NOC4L: variants seen among roughly 807,000 people sequenced by gnomAD.
NOC4L encodes the protein nucleolar complex protein 4 homolog.
In NOC4L, 40 loss-of-function variants were observed where a neutral mutation model predicts 62.8. The observed-to-expected ratio is 0.64, with a 90% CI of 0.49 to 0.83. The LOEUF (loss-of-function observed/expected upper bound fraction) is 0.83. Among genes scored for constraint, NOC4L ranks in the 40% least tolerant of loss-of-function variants. NOC4L has a pLI of 0.00. For synonymous variants in NOC4L, 433 were observed against 299.8 expected (o/e 1.44, Z -4.59); for missense variants, 927 against 701.9 (o/e 1.32, Z -3.62).
chr12:132,145,091 A>G (rs1593425589), intron 2 of NOC4L, 117 bp downstream of exon 2: 2 of 1,374,056 alleles, frequency 1.5e-6, no homozygotes, highest in Non-Finnish European at 1.9e-6. Context: ...TGGTGGGAGG[A>G]CGCACCAAGC....
intron 9 of NOC4L, 76 bp from the exon 10 acceptor site, chr12:132,150,905 C>G: frequency 1.8e-6 from 2 of 1,115,652 alleles, no homozygotes; most frequent in Non-Finnish European, 1.3e-6. Context: ...ACTCCACAGA[C>G]TTACACTCAG....
chr12:132,147,162 C>A, intron 3 of NOC4L, 119 bp from the exon 4 acceptor site: 1 of 677,770 alleles, frequency 1.5e-6, no homozygotes, highest in Non-Finnish European at 2.3e-6. Flanking sequence ...CAAGAGAAGG[C>A]CCGGCCGCCC....
At chr12:132,146,409 C>T (rs561024559) in intron 3 of NOC4L, 14 of 448,090 alleles carry the variant, frequency 3.1e-5, no homozygotes, top group East Asian at 7.1e-5. Context: ...TTGGCTGTTA[C>T]GAACAGCGGA....
chr12:132,145,505 C>T, intron 2 of NOC4L, 54 bp from the exon 3 acceptor site: 1 of 1,239,686 alleles, frequency 8.1e-7, no homozygotes, highest in Non-Finnish European at 1.2e-6. Context: ...TGGGCTGGGC[C>T]CAGGGTGGCG....
In NOC4L at chr12:132,152,427, C is replaced by T. The variant is rs771526757; in HGVS notation, c.*26C>T. The stretch of plus-strand genomic sequence containing the variant: ...CCCTGGCCCACCTGTGAATAAATCT[C>T]AGCTGACCCCAGCCCACCTGTGAAT... On this transcript the variant is annotated 3_prime_UTR_variant, in exon 15 of 15. Coordinates refer to ENST00000330579, the MANE Select transcript of NOC4L (RefSeq NM_024078.3). The T allele has an allele frequency of 2.0e-5, 31 of 1,555,992 alleles. 1 individual carries two copies. Among genetic ancestry groups the T allele is most frequent in the South Asian group, 4.7e-5 (4 of 85,380 alleles).
chr12:132,147,342 A>G lies in NOC4L; in HGVS notation c.407A>G (p.Lys136Arg). ...CTGGAAGGAGCGCACCCCCTGGAGA[A>G]GTCCAAGTGGGAAGGCAACTACCTG... The part of the protein sequence containing the change: ...VQLEGAHPLE[K>R]SKWEGNYLFP... Residue 136 changes from lysine to arginine, a missense_variant, in exon 4 of 15, where the codon AAG becomes AGG. Transcript: ENST00000330579. 4 of 1,597,414 alleles carry G rather than the reference A, an allele frequency of 2.5e-6. No homozygotes were observed. The highest frequency in any genetic ancestry group is 3.4e-6 in the Non-Finnish European group (4 of 1,171,846).
rs199921500 is a variant in NOC4L, at chr12:132,148,848, C to T, written c.854C>T (p.Ala285Val). Residue 285 changes from alanine (A) to valine (V), a missense_variant, in exon 9 of 15, where the codon GCG (alanine) becomes GTG (valine). Coordinates refer to ENST00000330579, the MANE Select transcript of NOC4L (RefSeq NM_024078.3). ...CATGACGCCATCCTGCCGCAGCTGGCGCAGCCCACGCTCATGATCGACTTC... is the reference window on the plus strand; with the variant it reads ...CATGACGCCATCCTGCCGCAGCTGGTGCAGCCCACGCTCATGATCGACTTC... ...IVHDAILPQL[A>V]QPTLMIDFLT... 4.4e-5 allele frequency: 71 copies of T among 1,602,108 alleles called. 1 individual carries two copies. In the Middle Eastern group the frequency reaches 8.3e-4, roughly 19 times the overall value.
At chr12:132,149,192 CT>C (rs1174507862) in intron 9 of NOC4L, among the ~76,000 whole-genome samples, 1 of 48,788 alleles carries the variant, frequency 2.0e-5, no homozygotes, top group African/African-American at 9.3e-5. Context: ...CACCACACCC[CT>C]AATCCCCTCG....
Position 132,150,991 on chromosome 12 carries a change from C to A in NOC4L, c.912C>A (p.Leu304=), listed in dbSNP as rs1175773526. 7 of 1,609,780 alleles carry A rather than the reference C, an allele frequency of 4.3e-6. No individual in the cohort carries two copies. Among genetic ancestry groups the A allele is most frequent in the Non-Finnish European group, 4.2e-6 (5 of 1,178,400 alleles). The part of the protein sequence containing the change: ...LTRACDLGGA[L]SLLALNGLFI... ...TCTGTCTGTCTGCAGGGGGGGCCCT[C>A]AGCCTCTTGGCCTTGAACGGGCTGT... is the stretch of plus-strand genomic sequence containing the variant. Residue 304 remains leucine, a synonymous_variant, in exon 10 of 15, where the codon CTC becomes CTA. Transcript: ENST00000330579.
chr12:132,147,872 C>T lies in NOC4L; in HGVS notation c.604-8C>T. 6.2e-7 allele frequency: 1 copy of T among 1,609,580 alleles called. No homozygotes were observed. The highest frequency in any genetic ancestry group is 8.5e-7 in the Non-Finnish European group (1 of 1,179,564). On this transcript the variant is annotated splice_region_variant and splice_polypyrimidine_tract_variant and intron_variant, in intron 5 of 14. Coordinates refer to ENST00000330579, the MANE Select transcript of NOC4L (RefSeq NM_024078.3). ...GCGGCGTCCAGGCACTCAGGCCAGG[C>T]TCCGCAGGTGCCCCCCGCCTTTTGG...
chr12:132,148,377 C>A (rs559004164), intron 7 of NOC4L, among the ~76,000 whole-genome samples: 15 of 152,312 alleles, frequency 9.8e-5, no homozygotes, highest in African/African-American at 3.4e-4. Context: ...TGGGCGCAGC[C>A]CCCCTCTTGG....
At chr12:132,146,422 G>A (rs1593427084) in intron 3 of NOC4L, 1 of 444,248 alleles carries the variant, frequency 2.3e-6, no homozygotes, top group African/African-American at 2.0e-5. Context: ...ACAGCGGACT[G>A]TGAACGTTCG....
chr12:132,146,978 G>A (rs1377915366), intron 3 of NOC4L, among the ~76,000 whole-genome samples: 1 of 152,198 alleles, frequency 6.6e-6, no homozygotes, highest in East Asian at 1.9e-4. Context: ...TGGCATTCCC[G>A]TGACACAGGT....
In NOC4L at chr12:132,144,506, C is replaced by A; in HGVS notation, c.18C>A (p.Gly6=). Residue 6 remains glycine (G), a synonymous_variant, in exon 1 of 15, where the codon GGC becomes GGA. Coordinates refer to ENST00000330579, the MANE Select transcript of NOC4L (RefSeq NM_024078.3). The stretch of plus-strand genomic sequence containing the variant: ...GGGGCGGCATGGAGCGGGAGCCGGG[C>A]GCCGCGGGAGTTCGCCGGGCTCTGG... MEREP[G]AAGVRRALGR... The A allele has an allele frequency of 1.3e-6, 2 of 1,519,838 alleles. No homozygotes were observed. Among genetic ancestry groups the A allele is most frequent in the Non-Finnish European group, 1.7e-6 (2 of 1,144,568 alleles). 94.1% of individuals were successfully genotyped at this position (1,519,838 alleles called of 1,614,324 possible).
chr12:132,152,109 A>G lies in NOC4L; in HGVS notation c.1343A>G (p.Glu448Gly), dbSNP rs374348236. 1.2e-6 allele frequency: 2 copies of G among 1,610,414 alleles called. No individual in the cohort carries two copies. Among genetic ancestry groups the G allele is most frequent in the Non-Finnish European group, 1.7e-6 (2 of 1,178,886 alleles). Residue 448 changes from glutamate to glycine, a missense_variant, in exon 14 of 15, where the codon GAG (glutamate) becomes GGG (glycine). Physicochemically the swap from Glu to Gly is moderately conservative, Grantham distance 98 (BLOSUM62 -2). Coordinates refer to ENST00000330579, the MANE Select transcript of NOC4L (RefSeq NM_024078.3). ...GCCCTCCAGCGCCACTACCACCCTG[A>G]GGTGTCCAAAGCCGCCAGCGTCATC... ...LQALQRHYHP[E>G]VSKAASVINQ...
rs775023787 is a variant in NOC4L, at chr12:132,150,963, G to GTGTC, written c.902-7_902-4dup. On this transcript the variant is annotated splice_polypyrimidine_tract_variant and intron_variant, in intron 9 of 14. Coordinates refer to ENST00000330579, the MANE Select transcript of NOC4L (RefSeq NM_024078.3). ...AGCGAGGTCACTGCAGCTCCAGCCT[G>GTGTC]TGTCTGTCTGTCTGCAGGGGGGGCC... 397 of 1,595,080 alleles carry GTGTC rather than the reference G, an allele frequency of 2.5e-4. 2 individuals carry two copies. The highest frequency in any genetic ancestry group is 3.1e-4 in the Non-Finnish European group (367 of 1,169,452).
chr12:132,152,446 T>A lies in NOC4L; in HGVS notation c.*45T>A. ...AAATCTCAGCTGACCCCAGCCCACC[T>A]GTGAATAAATGTTTTTGCAGGAGAA... On this transcript the variant is annotated 3_prime_UTR_variant, in exon 15 of 15. Coordinates refer to ENST00000330579, the MANE Select transcript of NOC4L (RefSeq NM_024078.3). 1 of 1,524,770 alleles carries A rather than the reference T, an allele frequency of 6.6e-7. No individual in the cohort carries two copies. The highest frequency in any genetic ancestry group is 8.8e-7 in the Non-Finnish European group (1 of 1,130,720). 94.5% of individuals were successfully genotyped at this position (1,524,770 alleles called of 1,614,324 possible).
rs1264854541 is a variant in NOC4L at position 132,144,505 on chromosome 12, G to A, written c.17G>A (p.Gly6Asp). Residue 6 changes from glycine to aspartate, a missense_variant, in exon 1 of 15, where the codon GGC becomes GAC. Coordinates refer to ENST00000330579, the MANE Select transcript of NOC4L (RefSeq NM_024078.3). MEREPGAAGVRRALGR... is the reference protein window; with the variant it reads MEREPDAAGVRRALGR... Reference sequence around the variant, plus strand: ...GGGGGCGGCATGGAGCGGGAGCCGGGCGCCGCGGGAGTTCGCCGGGCTCTG... The same window carrying A: ...GGGGGCGGCATGGAGCGGGAGCCGGACGCCGCGGGAGTTCGCCGGGCTCTG... 2 of 1,521,200 alleles carry A rather than the reference G, an allele frequency of 1.3e-6. No individual in the cohort carries two copies. The highest frequency in any genetic ancestry group is 2.1e-5 in the Admixed American group (1 of 48,750). The allele number at this position is 1,521,200 out of a possible 1,614,324, so 94.2% of individuals were successfully genotyped here.
chr12:132,144,669 G>A, intron 1 of NOC4L, 64 bp downstream of exon 1: 1 of 1,456,396 alleles, frequency 6.9e-7, no homozygotes, highest in Admixed American at 2.5e-5. Flanking sequence ...ATGGGGGGCT[G>A]CGGCGGCAGG....
Sources: allele counts gnomAD v4.1 joint callset (sites outside exome capture counted in the v4.1 genomes callset), GRCh38; gene constraint gnomAD v4.1.1; transcripts MANE v1.5; gene names NCBI Gene and HGNC (gene_info 2026-07-23, HGNC 2026-07-21).